The following NTMT1 variants were observed in gnomAD, a reference collection of about 807,000 sequenced individuals.
The protein encoded by NTMT1 is N-terminal Xaa-Pro-Lys N-methyltransferase 1.
In NTMT1, 8 loss-of-function variants were observed where a neutral mutation model predicts 17.5. The ratio of observed to expected loss-of-function variants is 0.46; its 90% CI spans 0.27 to 0.82. The LOEUF is 0.82. Among genes scored for constraint, NTMT1 ranks in the 40% least tolerant of loss-of-function variants. The pLI is 0.15. For missense variants in NTMT1, 221 were observed against 303.5 expected (o/e 0.73, Z 2.02); for synonymous variants, 128 against 126.8 (o/e 1.01, Z -0.06).
In NTMT1 at chr9:129,632,805, T is replaced by C. The variant is rs755997568; in HGVS notation, c.102T>C (p.Tyr34=). The C allele has an allele frequency of 5.1e-5, 82 of 1,614,064 alleles. No homozygotes were observed. Among genetic ancestry groups the C allele is most frequent in the Non-Finnish European group, 6.4e-5 (75 of 1,180,022 alleles). Residue 34 remains tyrosine, a synonymous_variant, in exon 2 of 4, where the codon TAT becomes TAC. Transcript: ENST00000372483. ...PPTVDGMLGG[Y]GHISSIDINS... ...CGGTGGACGGCATGCTTGGGGGGTA[T>C]GGCCACATCTCCAGCATCGACATCA...
intron 2 of NTMT1, 171 bp downstream of exon 2, chr9:129,633,036 TC>T: frequency 4.4e-6 from 3 of 679,722 alleles, no homozygotes; most frequent in Non-Finnish European, 7.3e-6. Flanking sequence ...TGGGGTAACT[TC>T]TAGATTGTGG....
At chr9:129,610,854 G>A (rs1830099864) in intron 1 of NTMT1, among the ~76,000 whole-genome samples, 1 of 152,162 alleles carries the variant, frequency 6.6e-6, no homozygotes, top group African/African-American at 2.4e-5. Context: ...CTGCTGAGAC[G>A]GGGGACGGGG....
At chr9:129,632,624 T>C (rs893351857) in intron 1 of NTMT1, 26 bp from the exon 2 acceptor site, 5 of 1,560,452 alleles carry the variant, frequency 3.2e-6, no homozygotes, top group African/African-American at 2.7e-5. Flanking sequence ...CCTGGCCCGC[T>C]GACTCACGCC....
chr9:129,613,327 G>A lies in NTMT1; in HGVS notation c.-55+4149G>A. ...ACCCATGGCTGGCAGGGCCCTTGAG[G>A]ACCCACACTGGCAACCCGCCTGCTG... On this transcript the variant is annotated intron_variant, in intron 1 of 3. Transcript: ENST00000372486. This position sits in a 1 kb window ranked among gnomAD's most constrained non-coding sequence, Gnocchi z 6.2. The A allele has an allele frequency of 1.3e-6, 2 of 1,565,346 alleles. No individual in the cohort carries two copies. Among genetic ancestry groups the A allele is most frequent in the Non-Finnish European group, 1.7e-6 (2 of 1,154,560 alleles).
At position 129,629,952 on chromosome 9, in the gene NTMT1, A is replaced by AG. The variant is rs907836586; in HGVS notation, c.-54-2697dup. On this transcript the variant is annotated intron_variant, in intron 1 of 3. Transcript: ENST00000372483. ...CCATCTCAAAAAAACAAGAATCTGA[A>AG]GAGAAGTTTAAGCAGGCTTCTCTCT... Among the ~76,000 whole-genome samples, 59 of 152,080 alleles carry AG rather than the reference A, an allele frequency of 3.9e-4. 1 individual carries two copies. Among genetic ancestry groups the AG allele is most frequent in the Non-Finnish European group, 1.0e-4 (7 of 68,028 alleles).
chr9:129,630,679 C>T lies in NTMT1; in HGVS notation c.-54-1971C>T, dbSNP rs779891551. Among the ~76,000 whole-genome samples, 12 of 152,294 alleles carry T rather than the reference C, an allele frequency of 7.9e-5. No homozygotes were observed. The South Asian group carries it at 1.7e-3, about 21-fold the overall frequency. ...TAGCTCCAGGAGTCAGGCAGACGGT[C>T]TTGGACCTACGATTTGTCAACTTTG... On this transcript the variant is annotated intron_variant, in intron 1 of 3. Transcript: ENST00000372483.
chr9:129,613,317 G>A lies in NTMT1; in HGVS notation c.-55+4139G>A. Reference sequence around the variant, plus strand: ...TCCCCGGCCCACCCATGGCTGGCAGGGCCCTTGAGGACCCACACTGGCAAC... The same window carrying A: ...TCCCCGGCCCACCCATGGCTGGCAGAGCCCTTGAGGACCCACACTGGCAAC... On this transcript the variant is annotated intron_variant, in intron 1 of 3. Coordinates refer to the NTMT1 transcript ENST00000372486. This position sits in a 1 kb window ranked among gnomAD's most constrained non-coding sequence, Gnocchi z 6.2. 6.4e-7 allele frequency: 1 copy of A among 1,564,068 alleles called. No individual in the cohort carries two copies. Among genetic ancestry groups the A allele is most frequent in the Non-Finnish European group, 8.7e-7 (1 of 1,154,138 alleles).
chr9:129,635,640 G>A lies in NTMT1; in HGVS notation c.*176G>A, dbSNP rs550458768. On this transcript the variant is annotated 3_prime_UTR_variant, in exon 4 of 4. Coordinates refer to ENST00000372483, the MANE Select transcript of NTMT1 (RefSeq NM_014064.4). The stretch of plus-strand genomic sequence containing the variant: ...TTCAAAAGGCAAGGTGGGACCCGGC[G>A]GGGAGGGTGCTGCTGAACCAGCGGT... 98 of 786,928 alleles carry A rather than the reference G, an allele frequency of 1.2e-4. No homozygotes were observed. The East Asian group carries it at 1.7e-3, about 14-fold the overall frequency. 48.7% of individuals were successfully genotyped at this position (786,928 alleles called of 1,614,324 possible). A position where few individuals can be genotyped will look rare whatever the true frequency, so the allele number is the denominator to read the frequency against.
At chr9:129,610,170 G>A (rs866796077) in intron 1 of NTMT1, among the ~76,000 whole-genome samples, 1 of 140,696 alleles carries the variant, frequency 7.1e-6, no homozygotes, top group Non-Finnish European at 1.6e-5. Context: ...GGGGCCTTGC[G>A]GGCCGAGCCA....
chr9:129,618,993 T>G (rs1398398521), intron 1 of NTMT1, among the ~76,000 whole-genome samples: 1 of 150,456 alleles, frequency 6.6e-6, no homozygotes, highest in African/African-American at 2.5e-5. Flanking sequence ...GGATTACAGG[T>G]GTGAGCCACC....
chr9:129,619,906 G>T (rs1830590861), intron 1 of NTMT1: 2 of 1,536,078 alleles, frequency 1.3e-6, no homozygotes, highest in African/African-American at 1.4e-5. Context: ...CGGGGTGATG[G>T]CAGACCAGCC....
chr9:129,612,368 T>A (rs753337295), intron 1 of NTMT1: 2 of 1,613,806 alleles, frequency 1.2e-6, no homozygotes, highest in Non-Finnish European at 8.5e-7. Context: ...CTGGCTGCAG[T>A]GTTGCGGAGG....
At chr9:129,629,439 G>A (rs1202841745) in intron 1 of NTMT1, among the ~76,000 whole-genome samples, 2 of 152,066 alleles carry the variant, frequency 1.3e-5, no homozygotes, top group Non-Finnish European at 2.9e-5. Context: ...TGCCCAGGCT[G>A]GAATGCAGAG....
At chr9:129,631,777 C>T (rs921215064) in intron 1 of NTMT1, among the ~76,000 whole-genome samples, 6 of 152,210 alleles carry the variant, frequency 3.9e-5, no homozygotes, top group Non-Finnish European at 7.3e-5. Flanking sequence ...TCAGCTTACG[C>T]GTCCCCTCCT....
upstream of NTMT1, among the ~76,000 whole-genome samples, chr9:129,621,206 C>A (rs923073313): frequency 3.3e-5 from 5 of 152,232 alleles, no homozygotes; most frequent in African/African-American, 1.2e-4. Context: ...GGAAGAGAGA[C>A]CTGACCAGCA....
chr9:129,623,953 C>T (rs1163340500), upstream of NTMT1, among the ~76,000 whole-genome samples: 2 of 151,636 alleles, frequency 1.3e-5, no homozygotes, highest in African/African-American at 4.9e-5. Context: ...ACCACCACGC[C>T]CGGCTAATTT....
chr9:129,635,188 C>A lies in NTMT1; in HGVS notation c.416-20C>A. ...TCCGCTTGCATGGTGCCCTGGTAAC[C>A]TTGCCTCTGCCCTCCCCAGGCCACC... On this transcript the variant is annotated intron_variant, in intron 3 of 3. Transcript: ENST00000372483. 6.3e-7 allele frequency: 1 copy of A among 1,597,800 alleles called. No individual in the cohort carries two copies. Among genetic ancestry groups the A allele is most frequent in the South Asian group, 1.1e-5 (1 of 90,504 alleles).
chr9:129,613,855 G>A lies in NTMT1; in HGVS notation c.-55+4677G>A, dbSNP rs879390096. ...CAGCCGGAAGCGTGCCCCCTTTCTC[G>A]CAGTGGGGAGACCACTTACCCCATC... On this transcript the variant is annotated intron_variant, in intron 1 of 3. Transcript: ENST00000372486. The surrounding 1 kb of genome is among the most constrained non-coding windows in gnomAD (Gnocchi z 6.2). Among the ~76,000 whole-genome samples, 5 of 152,156 alleles carry A rather than the reference G, an allele frequency of 3.3e-5. No homozygotes were observed. The highest frequency in any genetic ancestry group is 1.3e-4 in the Admixed American group (2 of 15,282).
At chr9:129,631,499 G>A (rs1193004303) in intron 1 of NTMT1, among the ~76,000 whole-genome samples, 8 of 152,178 alleles carry the variant, frequency 5.3e-5, no homozygotes, top group African/African-American at 9.7e-5. Flanking sequence ...AGGCTTTCTA[G>A]TTCTCTCTCC....
Sources: gnomAD v4.1 joint callset for allele counts (sites outside exome capture counted in the v4.1 genomes callset) on GRCh38, gnomAD v4.1.1 for gene constraint, Gnocchi (gnomAD v3.1) non-coding constraint, MANE v1.5 for transcripts, NCBI Gene and HGNC (gene_info 2026-07-23, HGNC 2026-07-21) for gene names.